HPGDS: variants seen among roughly 807,000 people sequenced by gnomAD.
HPGDS encodes the protein hematopoietic prostaglandin D synthase.
In HPGDS, 26 loss-of-function variants were observed where a neutral mutation model predicts 23.1. The ratio of observed to expected loss-of-function variants is 1.13; its 90% CI spans 0.83 to 1.56. The LOEUF is 1.56. Ranked by LOEUF, HPGDS falls within the 40% of genes most tolerant of loss-of-function variation. The pLI, the probability that HPGDS is intolerant of heterozygous loss-of-function variation, is 0.00. For synonymous variants in HPGDS, 95 were observed against 77.9 expected, an observed-to-expected ratio of 1.22 and a Z score of -1.16; for missense variants, 268 against 236.4, an observed-to-expected ratio of 1.13 and a Z score of -0.88.
chr4:94,311,870 G>A (rs866109134), intron 3 of HPGDS, among the ~76,000 whole-genome samples: 1 of 151,094 alleles, frequency 6.6e-6, no homozygotes, highest in South Asian at 2.1e-4. Flanking sequence ...GCCTTGGGAG[G>A]GTGTATGTGT....
rs1163863860 is a variant in HPGDS, at chr4:94,302,229, C to T, written c.352G>A (p.Glu118Lys). The T allele has an allele frequency of 1.2e-6, 2 of 1,609,640 alleles. No homozygotes were observed. The highest frequency in any genetic ancestry group is 2.7e-5 in the African/African-American group (2 of 74,748). The change falls in exon 5 of 6, where the codon GAG becomes AAG. Residue 118 changes from glutamate (E) to lysine (K), a missense_variant. Coordinates refer to ENST00000295256, the MANE Select transcript of HPGDS (RefSeq NM_014485.3). ...KQDVKEQMFNELLTYNAPHLM... is the reference protein window; with the variant it reads ...KQDVKEQMFNKLLTYNAPHLM... Reference sequence around the variant, plus strand: ...TGAGGCGCATTATACGTGAGCAGCTCATTGAACATCTGCTCCTAGGAGAAG... The same window carrying T: ...TGAGGCGCATTATACGTGAGCAGCTTATTGAACATCTGCTCCTAGGAGAAG...
intron 3 of HPGDS, among the ~76,000 whole-genome samples, chr4:94,312,902 G>A (rs1322936163): frequency 6.6e-6 from 1 of 151,998 alleles, no homozygotes; most frequent in Non-Finnish European, 1.5e-5. Flanking sequence ...GGCCTTCTTT[G>A]TCTCTTTTGA....
intron 5 of HPGDS, among the ~76,000 whole-genome samples, chr4:94,301,212 T>C (rs1270208160): frequency 6.6e-6 from 1 of 152,074 alleles, no homozygotes; most frequent in Non-Finnish European, 1.5e-5. Flanking sequence ...AAAAAAGCAG[T>C]CTTATCTCCC....
Position 94,299,246 on chromosome 4 carries a change from A to C in HPGDS, c.*234T>G, listed in dbSNP as rs1167179405. ...CCTGTGCAAAGCAAGGTCTGCCTGT[A>C]TTACATACTATTTTTCTGTAATTGT... On this transcript the variant is annotated 3_prime_UTR_variant, in exon 6 of 6. Coordinates refer to ENST00000295256, the MANE Select transcript of HPGDS (RefSeq NM_014485.3). 1 of 429,144 alleles carries C rather than the reference A, an allele frequency of 2.3e-6. No homozygotes were observed. The highest frequency in any genetic ancestry group is 4.2e-6 in the Non-Finnish European group (1 of 240,626). The allele number at this position is 429,144 out of a possible 1,614,324, so 26.6% of individuals were successfully genotyped here. A position where few individuals can be genotyped will look rare whatever the true frequency, so the allele number is the denominator to read the frequency against.
At chr4:94,324,146 C>T (rs1756579192) in intron 2 of HPGDS, among the ~76,000 whole-genome samples, 1 of 152,198 alleles carries the variant, frequency 6.6e-6, no homozygotes, top group South Asian at 2.1e-4. Context: ...GTCTGATGGG[C>T]TTCCCTTTGT....
At chr4:94,341,297 A>G (rs1721166538) in intron 1 of HPGDS, among the ~76,000 whole-genome samples, 1 of 152,230 alleles carries the variant, frequency 6.6e-6, no homozygotes, top group Admixed American at 6.5e-5. Context: ...TAATAAAACA[A>G]TTTAACAATA....
chr4:94,321,126 C>T (rs1756498959), intron 2 of HPGDS, among the ~76,000 whole-genome samples: 1 of 152,102 alleles, frequency 6.6e-6, no homozygotes, highest in South Asian at 2.1e-4. Flanking sequence ...GTCTATATCT[C>T]TGTTTTGGTA....
intron 2 of HPGDS, 73 bp downstream of exon 2, chr4:94,334,424 T>G: frequency 7.3e-7 from 1 of 1,365,182 alleles, no homozygotes; most frequent in Non-Finnish European, 9.8e-7. Flanking sequence ...TTGATTTTTT[T>G]TTCATTTCCC....
intron 4 of HPGDS, among the ~76,000 whole-genome samples, chr4:94,304,774 A>AAT (rs1756109282): frequency 1.3e-5 from 2 of 152,102 alleles, no homozygotes; most frequent in African/African-American, 4.8e-5. Context: ...AATTGGTGGT[A>AAT]TGTAAGAGAG....
At chr4:94,312,438 G>T (rs1756294806) in intron 3 of HPGDS, among the ~76,000 whole-genome samples, 1 of 152,310 alleles carries the variant, frequency 6.6e-6, no homozygotes, top group South Asian at 2.1e-4. Flanking sequence ...TTTACATGTA[G>T]TTGAGCGGTT....
intron 3 of HPGDS, among the ~76,000 whole-genome samples, chr4:94,310,386 G>A (rs1057028018): frequency 1.3e-5 from 2 of 152,082 alleles, no homozygotes; most frequent in Admixed American, 1.3e-4. Flanking sequence ...ATTAAATAGG[G>A]AATCCTTTCC....
At chr4:94,334,183 C>G (rs1315415736) in intron 2 of HPGDS, 2 of 194,932 alleles carry the variant, frequency 1.0e-5, no homozygotes, top group African/African-American at 2.3e-5. Flanking sequence ...TACCTAAACT[C>G]TGTGCACTTC....
intron 3 of HPGDS, among the ~76,000 whole-genome samples, chr4:94,314,861 G>A (rs560991400): frequency 9.2e-5 from 14 of 152,256 alleles, no homozygotes; most frequent in East Asian, 7.7e-4. Context: ...CCCCAGCCTC[G>A]CTGCCGCCTT....
chr4:94,317,602 A>G (rs1756422822), intron 3 of HPGDS, among the ~76,000 whole-genome samples: 1 of 152,306 alleles, frequency 6.6e-6, no homozygotes, highest in Non-Finnish European at 1.5e-5. Flanking sequence ...ATCCCTGTCC[A>G]ATTTTTCAGC....
chr4:94,314,438 A>T (rs939057913), intron 3 of HPGDS, among the ~76,000 whole-genome samples: 3 of 152,164 alleles, frequency 2.0e-5, no homozygotes, highest in Admixed American at 6.5e-5. Flanking sequence ...TCAGCAGCGG[A>T]GGCTGCAGAA....
intron 2 of HPGDS, among the ~76,000 whole-genome samples, chr4:94,329,183 C>T (rs1348892546): frequency 6.6e-6 from 1 of 151,960 alleles, no homozygotes; most frequent in Non-Finnish European, 1.5e-5. Flanking sequence ...ATTTAGCATG[C>T]CCATTAGGTC....
At chr4:94,303,500 G>A (rs1278627549) in intron 4 of HPGDS, among the ~76,000 whole-genome samples, 3 of 152,174 alleles carry the variant, frequency 2.0e-5, no homozygotes, top group Non-Finnish European at 4.4e-5. Context: ...TTTAAAAACC[G>A]AAGCTTATAA....
intron 2 of HPGDS, among the ~76,000 whole-genome samples, chr4:94,333,909 A>T (rs1451434483): frequency 6.6e-6 from 1 of 152,244 alleles, no homozygotes; most frequent in African/African-American, 2.4e-5. Flanking sequence ...TTTGGATATT[A>T]ATGGTAAAGT....
intron 3 of HPGDS, among the ~76,000 whole-genome samples, chr4:94,309,006 T>C (rs1431733699): frequency 7.1e-6 from 1 of 141,298 alleles, no homozygotes; most frequent in Non-Finnish European, 1.5e-5. Flanking sequence ...TCATCCCATG[T>C]CCCCTACATA....
Sources: allele counts gnomAD v4.1 joint callset (sites outside exome capture counted in the v4.1 genomes callset), GRCh38; gene constraint gnomAD v4.1.1; transcripts MANE v1.5; gene names NCBI Gene and HGNC (gene_info 2026-07-23, HGNC 2026-07-21).